Variants in ACMSD observed in about 807,000 individuals in gnomAD.
ACMSD encodes 2-amino-3-carboxymuconate-6-semialdehyde decarboxylase.
A neutral mutation model predicts 45.9 loss-of-function variants in ACMSD; 37 were observed. That is an observed-to-expected ratio of 0.81 (90% confidence interval 0.62 to 1.06). The LOEUF (loss-of-function observed/expected upper bound fraction) is 1.06. Ranked by LOEUF, ACMSD falls within the 50% of genes least tolerant of loss-of-function variation. The probability of loss-of-function intolerance (pLI) is 0.00; values close to 1 mark genes in which losing one functional copy is unlikely to be tolerated. For synonymous variants in ACMSD, 138 were observed against 148.8 expected (o/e 0.93, Z 0.53); for missense variants, 434 against 420.9 (o/e 1.03, Z -0.27).
At chr2:134,863,858 G>A (rs1343022843) in intron 5 of ACMSD, among the ~76,000 whole-genome samples, 1 of 152,220 alleles carries the variant, frequency 6.6e-6, no homozygotes, top group Non-Finnish European at 1.5e-5. Flanking sequence ...TGAGTTAACA[G>A]TGAAATCTCT....
intron 1 of ACMSD, among the ~76,000 whole-genome samples, chr2:134,839,726 G>C (rs2104800556): frequency 1.3e-5 from 2 of 152,272 alleles, no homozygotes; most frequent in African/African-American, 4.8e-5. Flanking sequence ...AGAAACTGTG[G>C]ATTGAAAAAC....
At chr2:134,855,080 C>CCTTTTTCA (rs1687518858) in intron 2 of ACMSD, among the ~76,000 whole-genome samples, 2 of 152,164 alleles carry the variant, frequency 1.3e-5, no homozygotes, top group Admixed American at 1.3e-4. Context: ...CCCTTCTTCA[C>CCTTTTTCA]CAAATGAAAA....
intron 2 of ACMSD, among the ~76,000 whole-genome samples, chr2:134,846,902 G>A (rs934092335): frequency 1.3e-5 from 2 of 152,200 alleles, no homozygotes; most frequent in African/African-American, 4.8e-5. Flanking sequence ...GAGAGCAAGA[G>A]GCTGGCTGGT....
intron 8 of ACMSD, among the ~76,000 whole-genome samples, chr2:134,886,186 C>A (rs1689428476): frequency 6.7e-6 from 1 of 150,190 alleles, no homozygotes; most frequent in Non-Finnish European, 1.5e-5. Context: ...ATAGTATGAT[C>A]ATTTTATAGA....
chr2:134,854,903 C>T (rs1266524879), intron 2 of ACMSD, among the ~76,000 whole-genome samples: 1 of 152,204 alleles, frequency 6.6e-6, no homozygotes, highest in Non-Finnish European at 1.5e-5. Context: ...AGATTTAAAC[C>T]CAGAGCTGTC....
intron 2 of ACMSD, chr2:134,858,015 C>G (rs1020195713): frequency 2.0e-5 from 3 of 151,882 alleles, no homozygotes; most frequent in Non-Finnish European, 2.9e-5. Context: ...TATGATCCAG[C>G]AATTCTACTT....
At chr2:134,895,162 C>A (rs776006910) in intron 8 of ACMSD, among the ~76,000 whole-genome samples, 1 of 151,322 alleles carries the variant, frequency 6.6e-6, no homozygotes, top group African/African-American at 2.4e-5. Context: ...AAAAATTAGC[C>A]GAGTGTGGTG....
chr2:134,881,677 G>A (rs1185072238), intron 8 of ACMSD, among the ~76,000 whole-genome samples: 3 of 152,112 alleles, frequency 2.0e-5, no homozygotes, highest in African/African-American at 7.2e-5. Flanking sequence ...CATACCATAC[G>A]TATTAGAAAT....
intron 8 of ACMSD, chr2:134,877,529 G>C (rs754416502): frequency 6.6e-6 from 1 of 152,378 alleles, no homozygotes; most frequent in East Asian, 1.9e-4. Context: ...CCCATGAGTG[G>C]CATGTCAGTG....
chr2:134,849,999 C>T (rs1021819677), intron 2 of ACMSD, among the ~76,000 whole-genome samples: 12 of 146,706 alleles, frequency 8.2e-5, no homozygotes, highest in East Asian at 2.0e-4. Context: ...CACACACACA[C>T]GTGAACATTT....
At chr2:134,889,969 TG>T (rs1310927431) in intron 8 of ACMSD, among the ~76,000 whole-genome samples, 1 of 152,128 alleles carries the variant, frequency 6.6e-6, no homozygotes, top group Non-Finnish European at 1.5e-5. Context: ...CATAAGTTAA[TG>T]TGTTTGTATA....
intron 8 of ACMSD, among the ~76,000 whole-genome samples, chr2:134,882,311 G>A (rs796436500): frequency 4.1e-4 from 62 of 152,242 alleles, no homozygotes; most frequent in African/African-American, 1.4e-3. Flanking sequence ...AGAAGTTGTG[G>A]TAAGCGAGAG....
chr2:134,847,395 T>TATAG (rs751345211), intron 2 of ACMSD, among the ~76,000 whole-genome samples: 1,731 of 143,234 alleles, frequency 0.012, 30 homozygotes, highest in East Asian at 0.042. Flanking sequence ...TTTTTGGGGA[T>TATAG]ACAGATAGAT....
intron 5 of ACMSD, among the ~76,000 whole-genome samples, chr2:134,866,865 G>T (rs929041835): frequency 1.5e-4 from 23 of 152,320 alleles, no homozygotes; most frequent in African/African-American, 5.5e-4. Context: ...TGACATTCAT[G>T]TCAGTGCCTG....
chr2:134,895,475 A>G (rs541205271), intron 8 of ACMSD, among the ~76,000 whole-genome samples: 18 of 151,470 alleles, frequency 1.2e-4, no homozygotes, highest in African/African-American at 4.4e-4. Flanking sequence ...TACCCCCCAA[A>G]TTGATCTACA....
At chr2:134,889,428 A>G (rs189634325) in intron 8 of ACMSD, among the ~76,000 whole-genome samples, 11 of 152,282 alleles carry the variant, frequency 7.2e-5, no homozygotes, top group Admixed American at 7.2e-4. Flanking sequence ...GTGAGCTAGA[A>G]CATTTTGTAC....
At chr2:134,892,311 T>G (rs1689835051) in intron 8 of ACMSD, among the ~76,000 whole-genome samples, 2 of 152,142 alleles carry the variant, frequency 1.3e-5, no homozygotes, top group South Asian at 4.1e-4. Context: ...ATACATGAAT[T>G]GGGAAAACTA....
At chr2:134,854,710 C>T (rs1477635264) in intron 2 of ACMSD, among the ~76,000 whole-genome samples, 1 of 152,232 alleles carries the variant, frequency 6.6e-6, no homozygotes, top group Non-Finnish European at 1.5e-5. Context: ...TTGGATTCTA[C>T]CTCAAGAAAG....
chr2:134,862,449 G>GT (rs1365804072), intron 4 of ACMSD, among the ~76,000 whole-genome samples: 1 of 152,158 alleles, frequency 6.6e-6, no homozygotes, highest in East Asian at 1.9e-4. Flanking sequence ...TAATCCTGAA[G>GT]TGGGATGCCC....
Sources: allele counts gnomAD v4.1 joint callset (sites outside exome capture counted in the v4.1 genomes callset), GRCh38; gene constraint gnomAD v4.1.1; transcripts MANE v1.5; gene names NCBI Gene and HGNC (gene_info 2026-07-23, HGNC 2026-07-21).